The following AQP9 variants were observed in gnomAD, a reference collection of about 807,000 sequenced individuals.
AQP9 encodes the protein aquaporin 9, also known as aquaporin-9.
In AQP9, 19 loss-of-function variants were observed where a neutral mutation model predicts 23.8. The observed-to-expected ratio is 0.80, with a 90% CI of 0.56 to 1.17. The LOEUF is 1.17. Among genes scored for constraint, AQP9 ranks in the 50% most tolerant of loss-of-function variants. The pLI is 0.00. For synonymous variants in AQP9, 153 were observed against 131.5 expected (o/e 1.16, Z -1.12); for missense variants, 413 against 362.0 (o/e 1.14, Z -1.14).
At chr15:58,143,813 C>T (rs1385543583) in intron 1 of AQP9, among the ~76,000 whole-genome samples, 1 of 152,124 alleles carries the variant, frequency 6.6e-6, no homozygotes, top group Non-Finnish European at 1.5e-5. Context: ...TGGTACATGT[C>T]TCCTTGTACA....
intron 4 of AQP9, among the ~76,000 whole-genome samples, chr15:58,176,422 G>C (rs1898755126): frequency 6.6e-6 from 1 of 152,036 alleles, no homozygotes; most frequent in South Asian, 2.1e-4. Flanking sequence ...GGAGGCTGAG[G>C]TGGGAGGATA....
At chr15:58,157,407 T>A (rs758614567) in intron 1 of AQP9, among the ~76,000 whole-genome samples, 1 of 152,184 alleles carries the variant, frequency 6.6e-6, no homozygotes, top group South Asian at 2.1e-4. Flanking sequence ...TTTTAGAATG[T>A]CCACCTGGCT....
At position 58,185,431 on chromosome 15, in the gene AQP9, C is replaced by T. The variant is rs145072334; in HGVS notation, c.*1296C>T. On this transcript the variant is annotated 3_prime_UTR_variant, in exon 6 of 6. Coordinates refer to ENST00000219919, the MANE Select transcript of AQP9 (RefSeq NM_020980.5). Reference sequence around the variant, plus strand: ...AAGACCCTCATTGTCTGGGTCTATTCCCACACTTACTGAGTACAGATGAAG... The same window carrying T: ...AAGACCCTCATTGTCTGGGTCTATTTCCACACTTACTGAGTACAGATGAAG... 1,379 of 152,728 alleles carry T rather than the reference C, an allele frequency of 9.0e-3. 6 individuals carry two copies. Among genetic ancestry groups the T allele is most frequent in the Non-Finnish European group, 0.012 (843 of 68,028 alleles). 9.5% of individuals were successfully genotyped at this position (152,728 alleles called of 1,614,324 possible). A position where few individuals can be genotyped will look rare whatever the true frequency, so the allele number is the denominator to read the frequency against.
At chr15:58,181,903 G>T (rs1193812287) in intron 5 of AQP9, among the ~76,000 whole-genome samples, 1 of 152,104 alleles carries the variant, frequency 6.6e-6, no homozygotes, top group Admixed American at 6.5e-5. Flanking sequence ...GGCTTCCAAA[G>T]TGTTCTTAGA....
intron 1 of AQP9, among the ~76,000 whole-genome samples, chr15:58,148,083 A>G (rs1297117317): frequency 1.3e-5 from 2 of 152,134 alleles, no homozygotes; most frequent in African/African-American, 4.8e-5. Flanking sequence ...ATTCATATGT[A>G]TTTTCTTCAC....
intron 5 of AQP9, among the ~76,000 whole-genome samples, chr15:58,180,758 G>T (rs760188495): frequency 3.9e-5 from 6 of 152,126 alleles, no homozygotes; most frequent in Non-Finnish European, 8.8e-5. Context: ...ATGGGTAGAC[G>T]CCAGGAATGC....
chr15:58,145,292 C>G (rs1304475439), intron 1 of AQP9, among the ~76,000 whole-genome samples: 1 of 151,938 alleles, frequency 6.6e-6, no homozygotes, highest in Non-Finnish European at 1.5e-5. Flanking sequence ...CACCTAAGGT[C>G]AGGAGTTCAA....
chr15:58,150,625 A>G, intron 1 of AQP9: 1 of 152,396 alleles, frequency 6.6e-6, no homozygotes, highest in Non-Finnish European at 1.5e-5. Context: ...ATAATATTTG[A>G]AAAAGAGTAA....
chr15:58,174,918 A>C lies in AQP9; in HGVS notation c.377A>C (p.Asp126Ala). 2 of 1,613,576 alleles carry C rather than the reference A, an allele frequency of 1.2e-6. 1 individual carries two copies. Among genetic ancestry groups the C allele is most frequent in the South Asian group, 2.2e-5 (2 of 91,074 alleles). Residue 126 changes from aspartate to alanine, a missense_variant and splice_region_variant, in exon 4 of 6, where the codon GAT (aspartate) becomes GCT (alanine). Physicochemically the swap from Asp to Ala is moderately radical, Grantham distance 126. Coordinates refer to ENST00000219919, the MANE Select transcript of AQP9 (RefSeq NM_020980.5). ...TGTGCCAGAGCTTTCTCTTTCATAGATGGACTTATGTCCTTTGCTGGTGGA... is the reference window on the plus strand; with the variant it reads ...TGTGCCAGAGCTTTCTCTTTCATAGCTGGACTTATGTCCTTTGCTGGTGGA... The part of the protein sequence containing the change: ...GAATVFGIYY[D>A]GLMSFAGGKL...
intron 2 of AQP9, among the ~76,000 whole-genome samples, chr15:58,167,566 C>G (rs554008482): frequency 6.6e-6 from 1 of 152,306 alleles, no homozygotes; most frequent in Admixed American, 6.5e-5. Flanking sequence ...GCGGGTATTA[C>G]TGTCTCCATT....
At chr15:58,164,729 G>A (rs1231413284) in intron 1 of AQP9, among the ~76,000 whole-genome samples, 3 of 152,038 alleles carry the variant, frequency 2.0e-5, no homozygotes, top group Non-Finnish European at 4.4e-5. Flanking sequence ...GACTAGAAGG[G>A]ACATGAAAGC....
At chr15:58,162,009 T>C (rs1179998044) in intron 1 of AQP9, among the ~76,000 whole-genome samples, 1 of 152,156 alleles carries the variant, frequency 6.6e-6, no homozygotes, top group Non-Finnish European at 1.5e-5. Flanking sequence ...ATCTTGAAAA[T>C]CTTCTTATAA....
At chr15:58,157,697 A>G (rs1294936506) in intron 1 of AQP9, among the ~76,000 whole-genome samples, 1 of 152,144 alleles carries the variant, frequency 6.6e-6, no homozygotes, top group Admixed American at 6.5e-5. Context: ...AGAACAAGAG[A>G]GGAAAGGGTT....
Position 58,138,422 on chromosome 15 carries a change from C to A in AQP9, c.-144C>A. On this transcript the variant is annotated 5_prime_UTR_variant, in exon 1 of 6. Coordinates refer to ENST00000219919, the MANE Select transcript of AQP9 (RefSeq NM_020980.5). Reference sequence around the variant, plus strand: ...AAGCCACAGCCTCTAATTGGAACGGCATTTGTACAGTCAGAGACTCTTACC... The same window carrying A: ...AAGCCACAGCCTCTAATTGGAACGGAATTTGTACAGTCAGAGACTCTTACC... The A allele has an allele frequency of 1.6e-6, 1 of 613,880 alleles. No homozygotes were observed. The highest frequency in any genetic ancestry group is 2.9e-6 in the Non-Finnish European group (1 of 346,306). The allele number at this position is 613,880 out of a possible 1,614,324, so 38.0% of individuals were successfully genotyped here.
At chr15:58,170,555 C>G (rs764810330) in intron 2 of AQP9, among the ~76,000 whole-genome samples, 1 of 151,998 alleles carries the variant, frequency 6.6e-6, no homozygotes, top group Non-Finnish European at 1.5e-5. Context: ...CAGGCGTATG[C>G]CACTATGCCC....
At chr15:58,146,293 C>T (rs1035916290) in intron 1 of AQP9, among the ~76,000 whole-genome samples, 6 of 151,856 alleles carry the variant, frequency 4.0e-5, no homozygotes, top group Non-Finnish European at 7.4e-5. Flanking sequence ...TATTTCTTCT[C>T]TTATTCTCTT....
chr15:58,174,232 A>G (rs1898689021), intron 3 of AQP9, among the ~76,000 whole-genome samples: 1 of 152,036 alleles, frequency 6.6e-6, no homozygotes, highest in Non-Finnish European at 1.5e-5. Flanking sequence ...GCAGTGAGCC[A>G]GGATCATGCC....
At chr15:58,154,112 A>G (rs531646157) in intron 1 of AQP9, 17 of 152,116 alleles carry the variant, frequency 1.1e-4, no homozygotes, top group Non-Finnish European at 1.9e-4. Context: ...ATAACTAATA[A>G]CCTTAAGCTA....
At chr15:58,179,509 A>ATGTGTGTGTGTGTG (rs3052103) in intron 5 of AQP9, among the ~76,000 whole-genome samples, 164 bp downstream of exon 5, 1,616 of 148,834 alleles carry the variant, frequency 0.011, 30 homozygotes, top group African/African-American at 0.035. Flanking sequence ...TTGTGGTATG[A>ATGTGTGTGTGTGTG]TGTGTGTGTG....
Sources: allele counts gnomAD v4.1 joint callset (sites outside exome capture counted in the v4.1 genomes callset), GRCh38; gene constraint gnomAD v4.1.1; transcripts MANE v1.5; gene names NCBI Gene and HGNC (gene_info 2026-07-23, HGNC 2026-07-21).